SIL1: variants seen among roughly 807,000 people sequenced by gnomAD.
The protein encoded by SIL1 is SIL1 nucleotide exchange factor.
A neutral mutation model predicts 49.1 loss-of-function variants in SIL1; 40 were observed. The ratio of observed to expected loss-of-function variants is 0.81; its 90% CI spans 0.63 to 1.06. SIL1 has a LOEUF of 1.06. SIL1 is among the 50% of genes least tolerant of loss of function. SIL1 has a pLI of 0.00. For synonymous variants in SIL1, 253 were observed against 250.8 expected, an observed-to-expected ratio of 1.01 and a Z score of -0.08; for missense variants, 500 against 572.6, an observed-to-expected ratio of 0.87 and a Z score of 1.29.
At chr5:139,091,649 G>C (rs555039675) in intron 3 of SIL1, among the ~76,000 whole-genome samples, 1 of 152,310 alleles carries the variant, frequency 6.6e-6, no homozygotes, top group South Asian at 2.1e-4. Context: ...TGACCCAGAA[G>C]TCTGACTTCT....
chr5:139,135,875 G>A (rs1304725825), intron 1 of SIL1, among the ~76,000 whole-genome samples: 3 of 151,960 alleles, frequency 2.0e-5, no homozygotes, highest in Non-Finnish European at 4.4e-5. Context: ...GACCAGCCTG[G>A]CCAACATGGC....
At chr5:139,000,874 T>C (rs1767967553) in intron 7 of SIL1, among the ~76,000 whole-genome samples, 1 of 151,736 alleles carries the variant, frequency 6.6e-6, no homozygotes, top group Non-Finnish European at 1.5e-5. Context: ...AAAATACATA[T>C]GAAATATATA....
At chr5:139,027,749 TAAAG>T (rs1768693611) in intron 5 of SIL1, among the ~76,000 whole-genome samples, 1 of 152,190 alleles carries the variant, frequency 6.6e-6, no homozygotes, top group Non-Finnish European at 1.5e-5. Context: ...ATAGTGCCTA[TAAAG>T]AGAGTCTGAA....
intron 7 of SIL1, among the ~76,000 whole-genome samples, chr5:138,961,075 C>T (rs868852549): frequency 6.6e-6 from 1 of 152,126 alleles, no homozygotes; most frequent in Non-Finnish European, 1.5e-5. Flanking sequence ...TTAAACTAGT[C>T]CAGCAAGACC....
chr5:139,053,761 C>G (rs1181876599), intron 3 of SIL1, among the ~76,000 whole-genome samples: 1 of 152,208 alleles, frequency 6.6e-6, no homozygotes, highest in East Asian at 1.9e-4. Context: ...ATCTCCTCAT[C>G]CTTCCAATCC....
intron 3 of SIL1, among the ~76,000 whole-genome samples, chr5:139,058,553 ACTC>A (rs1382159994): frequency 6.6e-6 from 1 of 152,046 alleles, no homozygotes; most frequent in Non-Finnish European, 1.5e-5. Context: ...AAAAATTGTC[ACTC>A]CTCTAATTAT....
At chr5:139,007,404 A>C (rs1483535186) in intron 7 of SIL1, among the ~76,000 whole-genome samples, 1 of 133,060 alleles carries the variant, frequency 7.5e-6, no homozygotes, top group African/African-American at 3.2e-5. Context: ...TGTCGTCTGC[A>C]AACAGGGACA....
At chr5:139,093,312 T>C (rs946969508) in intron 3 of SIL1, among the ~76,000 whole-genome samples, 3 of 152,328 alleles carry the variant, frequency 2.0e-5, no homozygotes, top group South Asian at 4.1e-4. Context: ...CTTTAGAAAT[T>C]ACCCAGTCTC....
At chr5:139,034,977 G>A (rs1768869549) in intron 5 of SIL1, among the ~76,000 whole-genome samples, 2 of 152,060 alleles carry the variant, frequency 1.3e-5, no homozygotes, top group African/African-American at 4.8e-5. Context: ...GGTGTGAGAT[G>A]GTATCTCACT....
At chr5:139,183,719 G>A (rs1367410300) in intron 1 of SIL1, among the ~76,000 whole-genome samples, 1 of 152,212 alleles carries the variant, frequency 6.6e-6, no homozygotes, top group African/African-American at 2.4e-5. Context: ...GTGGGAAGAG[G>A]CCACCCGGCA....
At chr5:139,150,900 A>G (rs900983356) in intron 1 of SIL1, among the ~76,000 whole-genome samples, 1 of 152,152 alleles carries the variant, frequency 6.6e-6, no homozygotes, top group African/African-American at 2.4e-5. Context: ...CACCACTCAC[A>G]GTGCACGGAG....
intron 3 of SIL1, among the ~76,000 whole-genome samples, chr5:139,117,873 C>A (rs765906473): frequency 6.6e-6 from 1 of 152,086 alleles, no homozygotes; most frequent in Non-Finnish European, 1.5e-5. Flanking sequence ...GGAAGGCCCA[C>A]GAAGTCATGA....
intron 1 of SIL1, chr5:139,128,068 C>T: frequency 1.7e-6 from 1 of 574,720 alleles, no homozygotes; most frequent in African/African-American, 1.8e-5. Context: ...TAGAACCATA[C>T]AGTCGATCAG....
chr5:138,980,559 ACT>A (rs1302268099), intron 7 of SIL1, among the ~76,000 whole-genome samples: 1 of 152,146 alleles, frequency 6.6e-6, no homozygotes, highest in Non-Finnish European at 1.5e-5. Flanking sequence ...CCAGACTTCC[ACT>A]GTGTCACTTT....
chr5:139,085,128 G>C (rs999803562), intron 3 of SIL1, among the ~76,000 whole-genome samples: 1 of 152,182 alleles, frequency 6.6e-6, no homozygotes, highest in East Asian at 1.9e-4. Flanking sequence ...AGGGACGGGG[G>C]AGTGGAGAAG....
intron 7 of SIL1, among the ~76,000 whole-genome samples, chr5:138,993,321 C>T (rs1055942311): frequency 6.6e-6 from 1 of 152,120 alleles, no homozygotes; most frequent in African/African-American, 2.4e-5. Flanking sequence ...AACTCAAGAC[C>T]CAAGAGTCTA....
At chr5:138,988,754 T>C (rs1411795021) in intron 7 of SIL1, among the ~76,000 whole-genome samples, 3 of 152,130 alleles carry the variant, frequency 2.0e-5, no homozygotes, top group Admixed American at 6.5e-5. Flanking sequence ...GTACCTGTGG[T>C]CCCAGCTACT....
intron 3 of SIL1, among the ~76,000 whole-genome samples, chr5:139,113,145 G>A (rs1770907189): frequency 6.6e-6 from 1 of 151,764 alleles, no homozygotes; most frequent in African/African-American, 2.4e-5. Flanking sequence ...AAGTACCCAG[G>A]GACACAAACA....
At chr5:139,173,219 A>G (rs1751810618) in intron 1 of SIL1, among the ~76,000 whole-genome samples, 1 of 152,160 alleles carries the variant, frequency 6.6e-6, no homozygotes, top group East Asian at 1.9e-4. Context: ...TGTAATGCCC[A>G]TGGCAACCAC....
Sources: allele counts gnomAD v4.1 joint callset (sites outside exome capture counted in the v4.1 genomes callset), GRCh38; gene constraint gnomAD v4.1.1; transcripts MANE v1.5; gene names NCBI Gene and HGNC (gene_info 2026-07-23, HGNC 2026-07-21).